Variants in NUCB2 observed in about 807,000 individuals in gnomAD.
NUCB2 encodes the protein nucleobindin 2.
A neutral mutation model predicts 57.9 loss-of-function variants in NUCB2; 48 were observed. The ratio of observed to expected loss-of-function variants is 0.83; its 90% CI spans 0.66 to 1.05. NUCB2 has a LOEUF of 1.05. NUCB2 is among the 50% of genes least tolerant of loss of function. The probability of loss-of-function intolerance (pLI) is 0.00; values close to 1 mark genes in which losing one functional copy is unlikely to be tolerated. For synonymous variants in NUCB2, 139 were observed against 152.1 expected (o/e 0.91, Z 0.64); for missense variants, 442 against 476.2 (o/e 0.93, Z 0.67).
intron 1 of NUCB2, among the ~76,000 whole-genome samples, chr11:17,279,913 C>A (rs961073505): frequency 6.6e-6 from 1 of 151,760 alleles, no homozygotes; most frequent in Non-Finnish European, 1.5e-5. Flanking sequence ...CCTCAGCCTC[C>A]TGAGTAGCTA....
chr11:17,319,374 T>C (rs947635321), intron 11 of NUCB2, among the ~76,000 whole-genome samples: 29 of 152,184 alleles, frequency 1.9e-4, no homozygotes, highest in Non-Finnish European at 1.2e-4. Flanking sequence ...TTACTTTTAG[T>C]ATATCAGGAT....
chr11:17,331,047 T>C, intron 13 of NUCB2, 64 bp downstream of exon 13: 2 of 1,018,564 alleles, frequency 2.0e-6, no homozygotes, highest in Non-Finnish European at 3.0e-6. Context: ...GAAATCCACA[T>C]TTATTACAAA....
At chr11:17,349,200 T>G (rs1953028462) in intron 2 of NUCB2, 1 of 152,260 alleles carries the variant, frequency 6.6e-6, no homozygotes, top group Non-Finnish European at 1.5e-5. Context: ...ACAAGACTGG[T>G]ACCATTTCTT....
chr11:17,306,057 C>G (rs896106553), intron 5 of NUCB2, among the ~76,000 whole-genome samples: 1 of 152,132 alleles, frequency 6.6e-6, no homozygotes, highest in African/African-American at 2.4e-5. Context: ...AAAATAAAAT[C>G]ATAAAAGTAC....
intron 11 of NUCB2, among the ~76,000 whole-genome samples, chr11:17,325,688 A>G (rs548005891): frequency 8.3e-4 from 127 of 152,128 alleles, no homozygotes; most frequent in Non-Finnish European, 6.3e-4. Flanking sequence ...ATTATTATTG[A>G]TAAGTAGGGA....
chr11:17,341,985 A>G (rs1952310436), intron 2 of NUCB2, among the ~76,000 whole-genome samples: 1 of 152,090 alleles, frequency 6.6e-6, no homozygotes, highest in African/African-American at 2.4e-5. Context: ...TTATTGCCTC[A>G]ATTTCAGAGC....
chr11:17,329,613 C>T (rs1430139513), intron 11 of NUCB2, among the ~76,000 whole-genome samples: 3 of 152,204 alleles, frequency 2.0e-5, no homozygotes, highest in Non-Finnish European at 4.4e-5. Context: ...TGCTCCCTCC[C>T]CAGAGGGCAC....
intron 1 of NUCB2, among the ~76,000 whole-genome samples, chr11:17,282,250 A>C (rs869033003): frequency 0.065 from 6,936 of 106,442 alleles, 229 homozygotes; most frequent in Middle Eastern, 0.11. Flanking sequence ...ATATATATAT[A>C]TATATATATT....
rs1565392968 is a variant in NUCB2, at chr11:17,295,380, T to C, written c.57T>C (p.Leu19=). The C allele has an allele frequency of 6.2e-7, 1 of 1,613,416 alleles. No homozygotes were observed. The highest frequency in any genetic ancestry group is 8.5e-7 in the Non-Finnish European group (1 of 1,179,550). ...QYCFLLITCL[L]TALEAVPIDI... is the part of the protein sequence containing the mutation. ...GCTTTCTCTTGATTACATGTTTACTTACTGCTCTTGAAGCTGTGCCTATTG... is the reference window on the plus strand; with the variant it reads ...GCTTTCTCTTGATTACATGTTTACTCACTGCTCTTGAAGCTGTGCCTATTG... The change falls in exon 3 of 14, where the codon CTT becomes CTC. Residue 19 remains leucine (L), a synonymous_variant. Coordinates refer to ENST00000529010, the MANE Select transcript of NUCB2 (RefSeq NM_005013.4).
At position 17,315,448 on chromosome 11, in the gene NUCB2, A is replaced by G. The variant is rs751933575; in HGVS notation, c.975A>G (p.Lys325=). The G allele has an allele frequency of 8.1e-6, 13 of 1,611,624 alleles. 1 individual carries two copies. The highest frequency in any genetic ancestry group is 6.7e-5 in the African/African-American group (5 of 74,886). Reference sequence around the variant, plus strand: ...AGTTTTTGAAAGCCACAGAAAAAAAAGAATTCTTGGAGCCAGATAGCTGGG... The same window carrying G: ...AGTTTTTGAAAGCCACAGAAAAAAAGGAATTCTTGGAGCCAGATAGCTGGG... ...LEEFLKATEK[K]EFLEPDSWET... The change falls in exon 11 of 14, where the codon AAA becomes AAG. Residue 325 remains lysine, a synonymous_variant. Transcript: ENST00000529010.
At chr11:17,291,547 A>AAAAAAAAAAAAAAAT (rs1173143397) in intron 2 of NUCB2, among the ~76,000 whole-genome samples, 1 of 150,092 alleles carries the variant, frequency 6.7e-6, no homozygotes, top group Non-Finnish European at 1.5e-5. Flanking sequence ...CTCTGCATCA[A>AAAAAAAAAAAAAAAT]AAAAAAAAAA....
rs1951199302 is a variant in NUCB2 at position 17,330,092 on chromosome 11, T to C, written c.1003-35T>C. The C allele has an allele frequency of 3.4e-6, 4 of 1,171,708 alleles. No individual in the cohort carries two copies. Among genetic ancestry groups the C allele is most frequent in the Non-Finnish European group, 4.8e-6 (4 of 832,352 alleles). The allele number at this position is 1,171,708 out of a possible 1,614,324, so 72.6% of individuals were successfully genotyped here. The stretch of plus-strand genomic sequence containing the variant: ...TAAATCAGACTTTATTGTTGTAGTT[T>C]TGAGATTATTCTTTCCTCATTTTTT... On this transcript the variant is annotated intron_variant, in intron 11 of 13. Transcript: ENST00000529010. The surrounding 1 kb of genome is among the most constrained non-coding windows in gnomAD (Gnocchi z 4.3).
chr11:17,337,568 A>G (rs1951917764), intron 2 of NUCB2: 1 of 152,184 alleles, frequency 6.6e-6, no homozygotes. Flanking sequence ...TTACTTTTTC[A>G]TTCCTTATGA....
At chr11:17,321,112 ACT>A (rs1261767565) in intron 11 of NUCB2, among the ~76,000 whole-genome samples, 9 of 151,240 alleles carry the variant, frequency 6.0e-5, no homozygotes, top group Middle Eastern at 3.2e-3. Context: ...ATCCAATTAT[ACT>A]CTTTTAGTTA....
intron 1 of NUCB2, among the ~76,000 whole-genome samples, chr11:17,282,283 G>A (rs1408750378): frequency 8.4e-6 from 1 of 119,524 alleles, no homozygotes; most frequent in Non-Finnish European, 1.8e-5. Flanking sequence ...TCCCAAGACA[G>A]AGTCTCGCTC....
At chr11:17,302,666 G>T (rs891950748) in intron 5 of NUCB2, among the ~76,000 whole-genome samples, 1 of 152,016 alleles carries the variant, frequency 6.6e-6, no homozygotes, top group Non-Finnish European at 1.5e-5. Flanking sequence ...GAACTCCTAG[G>T]GCTCAGGTAG....
At chr11:17,298,042 A>G (rs901172045) in intron 4 of NUCB2, among the ~76,000 whole-genome samples, 15 of 142,112 alleles carry the variant, frequency 1.1e-4, no homozygotes, top group African/African-American at 2.4e-4. Context: ...AGATTGTTCC[A>G]CTGCACTTCA....
chr11:17,318,831 T>C (rs1949644777), intron 11 of NUCB2, among the ~76,000 whole-genome samples: 1 of 152,138 alleles, frequency 6.6e-6, no homozygotes, highest in South Asian at 2.1e-4. Flanking sequence ...AAATTGCTTT[T>C]CAAAAGACTT....
At chr11:17,308,745 A>T (rs1255201657) in intron 5 of NUCB2, among the ~76,000 whole-genome samples, 1 of 152,194 alleles carries the variant, frequency 6.6e-6, no homozygotes, top group Non-Finnish European at 1.5e-5. Context: ...TTAAACGTTA[A>T]AAAAATTGAT....
Sources: gnomAD v4.1 joint callset for allele counts (sites outside exome capture counted in the v4.1 genomes callset) on GRCh38, gnomAD v4.1.1 for gene constraint, Gnocchi (gnomAD v3.1) non-coding constraint, MANE v1.5 for transcripts, NCBI Gene and HGNC (gene_info 2026-07-23, HGNC 2026-07-21) for gene names.